Variants in SSBP2 observed in about 807,000 individuals in gnomAD.
SSBP2 encodes the protein single-stranded DNA-binding protein 2.
In SSBP2, 17 loss-of-function variants were observed where a neutral mutation model predicts 61.8. That is an observed-to-expected ratio of 0.28 (90% confidence interval 0.19 to 0.41). The LOEUF is 0.41. Among genes scored for constraint, SSBP2 ranks in the 10% least tolerant of loss-of-function variants. The pLI is 1.00. For synonymous variants in SSBP2, 139 were observed against 141.3 expected (o/e 0.98, Z 0.12); for missense variants, 310 against 458.7 (o/e 0.68, Z 2.96).
chr5:81,562,159 G>A (rs1429685519), intron 4 of SSBP2, among the ~76,000 whole-genome samples: 1 of 152,024 alleles, frequency 6.6e-6, no homozygotes, highest in African/African-American at 2.4e-5. Context: ...ACTGGCTTCG[G>A]CCTCCCAAAG....
intron 1 of SSBP2, among the ~76,000 whole-genome samples, chr5:81,727,894 G>A (rs1487303733): frequency 6.6e-6 from 1 of 152,152 alleles, no homozygotes; most frequent in East Asian, 1.9e-4. Context: ...ACAGGGTGGA[G>A]AATAAGGGAG....
At chr5:81,656,474 T>C (rs560806417) in intron 1 of SSBP2, among the ~76,000 whole-genome samples, 1 of 152,258 alleles carries the variant, frequency 6.6e-6, no homozygotes, top group Admixed American at 6.5e-5. Context: ...CTAATATGTT[T>C]AATATATAAA....
intron 4 of SSBP2, among the ~76,000 whole-genome samples, chr5:81,578,161 A>G (rs190631967): frequency 2.0e-5 from 3 of 152,208 alleles, no homozygotes; most frequent in Admixed American, 2.0e-4. Flanking sequence ...ATTCACATAG[A>G]TTCATATTTT....
At chr5:81,744,611 G>GA (rs562652038) in intron 1 of SSBP2, among the ~76,000 whole-genome samples, 17,117 of 144,996 alleles carry the variant, frequency 0.12, 1,131 homozygotes, top group Middle Eastern at 0.16. Flanking sequence ...TTTAAAACTA[G>GA]AAAAAAAAAA....
In SSBP2 at chr5:81,628,294, CTA is replaced by C. The variant is rs1747378800; in HGVS notation, c.197+8261_197+8262del. On this transcript the variant is annotated intron_variant, in intron 3 of 16. Transcript: ENST00000320672. The stretch of plus-strand genomic sequence containing the variant: ...AACCACCAGATTGTGTGAGAACTTA[CTA>C]TTTCTAGAATAGCATGGGGGAATCG... Among the ~76,000 whole-genome samples, 4 of 152,168 alleles carry C rather than the reference CTA, an allele frequency of 2.6e-5. No individual in the cohort carries two copies. In the South Asian group the frequency reaches 6.2e-4, roughly 24 times the overall value.
chr5:81,531,289 C>A (rs1232681039), intron 4 of SSBP2, among the ~76,000 whole-genome samples: 3 of 148,372 alleles, frequency 2.0e-5, no homozygotes, highest in African/African-American at 7.4e-5. Context: ...GATTAAAAAT[C>A]TTGAATGATA....
intron 1 of SSBP2, among the ~76,000 whole-genome samples, chr5:81,684,136 A>C (rs1752599984): frequency 6.6e-6 from 1 of 152,214 alleles, no homozygotes; most frequent in South Asian, 2.1e-4. Flanking sequence ...TTTCCTCATG[A>C]AAACATGCAC....
intron 12 of SSBP2, chr5:81,443,290 T>G (rs1303855972): frequency 6.6e-6 from 1 of 152,146 alleles, no homozygotes; most frequent in African/African-American, 2.4e-5. Flanking sequence ...TGATGAAATG[T>G]TTTTACTCAC....
At chr5:81,437,024 T>C (rs886684911) in intron 15 of SSBP2, among the ~76,000 whole-genome samples, 2 of 152,186 alleles carry the variant, frequency 1.3e-5, no homozygotes, top group Non-Finnish European at 2.9e-5. Context: ...GTAAATGCAA[T>C]GCCTTTATGA....
intron 1 of SSBP2, among the ~76,000 whole-genome samples, chr5:81,703,001 T>C (rs1754097658): frequency 6.6e-6 from 1 of 152,164 alleles, no homozygotes; most frequent in African/African-American, 2.4e-5. Context: ...AACAGACAAG[T>C]TGGTCATTTT....
At chr5:81,690,530 TAAC>T (rs955541991) in intron 1 of SSBP2, among the ~76,000 whole-genome samples, 2 of 152,062 alleles carry the variant, frequency 1.3e-5, no homozygotes, top group Non-Finnish European at 2.9e-5. Context: ...GCAAAGAATA[TAAC>T]AATTGTAAAT....
chr5:81,456,921 A>G (rs1164966423), intron 10 of SSBP2, among the ~76,000 whole-genome samples: 1 of 152,242 alleles, frequency 6.6e-6, no homozygotes, highest in Non-Finnish European at 1.5e-5. Flanking sequence ...TAGAAAGGCT[A>G]GACTGAACCC....
chr5:81,603,352 G>A (rs1282771758), intron 4 of SSBP2, among the ~76,000 whole-genome samples: 1 of 152,154 alleles, frequency 6.6e-6, no homozygotes, highest in African/African-American at 2.4e-5. Flanking sequence ...ATGGTTTTAA[G>A]ACAGAGCATC....
intron 1 of SSBP2, among the ~76,000 whole-genome samples, chr5:81,670,087 A>G (rs1261004837): frequency 6.6e-6 from 1 of 152,146 alleles, no homozygotes; most frequent in East Asian, 1.9e-4. Flanking sequence ...ACAATGGTAA[A>G]TACATGCCAT....
chr5:81,659,874 AAC>A (rs1750539066), intron 1 of SSBP2, among the ~76,000 whole-genome samples: 1 of 152,190 alleles, frequency 6.6e-6, no homozygotes, highest in Non-Finnish European at 1.5e-5. Flanking sequence ...CCTCAGAAAT[AAC>A]ATCACACATC....
intron 4 of SSBP2, among the ~76,000 whole-genome samples, chr5:81,601,651 G>A (rs1021359878): frequency 3.3e-5 from 5 of 152,088 alleles, no homozygotes; most frequent in African/African-American, 9.6e-5. Context: ...ATGTCAATCC[G>A]GCAGAATTTG....
intron 4 of SSBP2, among the ~76,000 whole-genome samples, chr5:81,569,975 TTAC>T (rs1773716823): frequency 6.6e-6 from 1 of 152,114 alleles, no homozygotes; most frequent in Non-Finnish European, 1.5e-5. Context: ...TAGTTTTATC[TTAC>T]TTTAAGATAA....
chr5:81,552,161 TAG>T (rs1249577008), intron 4 of SSBP2, among the ~76,000 whole-genome samples: 1 of 152,182 alleles, frequency 6.6e-6, no homozygotes, highest in Non-Finnish European at 1.5e-5. Flanking sequence ...AATTCTTGTA[TAG>T]AGAGATAAAT....
chr5:81,574,766 G>T (rs758879066), intron 4 of SSBP2, among the ~76,000 whole-genome samples: 2 of 151,798 alleles, frequency 1.3e-5, no homozygotes, highest in Non-Finnish European at 2.9e-5. Flanking sequence ...GCAAAAGCCG[G>T]AACACACAGG....
Sources: gnomAD v4.1 joint callset for allele counts (sites outside exome capture counted in the v4.1 genomes callset) on GRCh38, gnomAD v4.1.1 for gene constraint, MANE v1.5 for transcripts, NCBI Gene and HGNC (gene_info 2026-07-23, HGNC 2026-07-21) for gene names.